Variants in ETFA observed in about 807,000 individuals in gnomAD.
The protein encoded by ETFA is electron transfer flavoprotein subunit alpha, mitochondrial.
A neutral mutation model predicts 46.2 loss-of-function variants in ETFA; 22 were observed. The ratio of observed to expected loss-of-function variants is 0.48; its 90% confidence interval spans 0.34 to 0.68. ETFA has a LOEUF of 0.68. Among genes scored for constraint, ETFA ranks in the 30% least tolerant of loss-of-function variants. The pLI is 0.01. For missense variants in ETFA, 345 were observed against 401.1 expected, an observed-to-expected ratio of 0.86 and a Z score of 1.19; for synonymous variants, 131 against 139.9, an observed-to-expected ratio of 0.94 and a Z score of 0.45.
chr15:76,304,055 T>C (rs556560729), intron 1 of ETFA, among the ~76,000 whole-genome samples: 1 of 152,222 alleles, frequency 6.6e-6, no homozygotes, highest in Non-Finnish European at 1.5e-5. Context: ...ATGCAAGGGA[T>C]GGACTGGGTA....
chr15:76,268,046 C>T (rs952574706), intron 9 of ETFA, among the ~76,000 whole-genome samples: 3 of 152,104 alleles, frequency 2.0e-5, no homozygotes, highest in African/African-American at 2.4e-5. Flanking sequence ...GGATAAGCCT[C>T]GATTTGGTTT....
intron 1 of ETFA, among the ~76,000 whole-genome samples, chr15:76,302,922 C>T (rs1464930562): frequency 6.6e-6 from 1 of 152,164 alleles, no homozygotes; most frequent in East Asian, 1.9e-4. Context: ...CCCAAGGGAT[C>T]CTCCTGCCTC....
intron 9 of ETFA, among the ~76,000 whole-genome samples, chr15:76,250,428 C>A (rs554938223): frequency 1.3e-5 from 2 of 151,916 alleles, no homozygotes; most frequent in Non-Finnish European, 2.9e-5. Context: ...CTAAATCATT[C>A]ATCATATTCA....
intron 1 of ETFA, among the ~76,000 whole-genome samples, chr15:76,304,149 A>G (rs4886487): frequency 0.28 from 43,172 of 152,136 alleles, 6,580 homozygotes; most frequent in East Asian, 0.57. Context: ...CAACATGGAC[A>G]GTGCTGGAGG....
chr15:76,244,573 A>G (rs1446722895), intron 9 of ETFA, among the ~76,000 whole-genome samples: 2 of 151,956 alleles, frequency 1.3e-5, no homozygotes, highest in African/African-American at 4.8e-5. Context: ...TTGAATCAAC[A>G]TTTTCTAGTA....
chr15:76,299,727 T>G (rs1029050005), intron 1 of ETFA, among the ~76,000 whole-genome samples: 1 of 152,216 alleles, frequency 6.6e-6, no homozygotes, highest in Non-Finnish European at 1.5e-5. Flanking sequence ...GTCCCTGCCC[T>G]ATTACAATTC....
chr15:76,289,622 G>T (rs1170503596), intron 4 of ETFA, among the ~76,000 whole-genome samples: 1 of 152,142 alleles, frequency 6.6e-6, no homozygotes, highest in African/African-American at 2.4e-5. Flanking sequence ...TGCCTGCATG[G>T]TTTCTGGGAA....
At position 76,249,346 on chromosome 15, in the gene ETFA, T is replaced by C. The variant is rs12907217; in HGVS notation, c.817-17948A>G. On this transcript the variant is annotated intron_variant, in intron 9 of 11. Transcript: ENST00000557943. ...TTTCTCCGTGTTGGTCAGGCTGCTC[T>C]TGAACTCCCAACCTCAGGTGATCCT... is the stretch of plus-strand genomic sequence containing the variant. Among the ~76,000 whole-genome samples, 4 of 151,974 alleles carry C rather than the reference T, an allele frequency of 2.6e-5. No individual in the cohort carries two copies. The East Asian group carries it at 7.7e-4, about 29-fold the overall frequency.
At chr15:76,262,981 C>T (rs760849320) in intron 9 of ETFA, among the ~76,000 whole-genome samples, 3 of 152,144 alleles carry the variant, frequency 2.0e-5, no homozygotes, top group Admixed American at 2.0e-4. Context: ...AGGACGGCCC[C>T]GGTAGGCACC....
intron 9 of ETFA, among the ~76,000 whole-genome samples, chr15:76,250,166 TG>T (rs776866639): frequency 3.3e-5 from 5 of 151,266 alleles, no homozygotes; most frequent in Non-Finnish European, 5.9e-5. Context: ...GAAATACAAA[TG>T]AAAAAAATGC....
intron 11 of ETFA, chr15:76,217,649 C>T (rs1165230701): frequency 2.2e-6 from 1 of 454,942 alleles, no homozygotes. Flanking sequence ...TTTGTGACTG[C>T]TTGGACAGAG....
intron 1 of ETFA, among the ~76,000 whole-genome samples, 196 bp from the exon 2 acceptor site, chr15:76,295,933 A>ATTTTTTTTTTTTTTTTTT (rs1555459250): frequency 6.8e-5 from 4 of 58,506 alleles, no homozygotes; most frequent in African/African-American, 1.0e-4. Context: ...TACCACTAAT[A>ATTTTTTTTTTTTTTTTTT]TTCTTTTTTT....
intron 8 of ETFA, among the ~76,000 whole-genome samples, chr15:76,276,823 C>T (rs1001010398): frequency 6.6e-6 from 1 of 152,136 alleles, no homozygotes; most frequent in African/African-American, 2.4e-5. Flanking sequence ...GGATTTCTAG[C>T]CCTCTGCTTA....
At chr15:76,253,055 A>G (rs1286007229) in intron 9 of ETFA, among the ~76,000 whole-genome samples, 1 of 152,180 alleles carries the variant, frequency 6.6e-6, no homozygotes, top group East Asian at 1.9e-4. Flanking sequence ...CCGGGACTAC[A>G]GACGTACACC....
intron 1 of ETFA, among the ~76,000 whole-genome samples, chr15:76,297,220 T>C (rs981451229): frequency 1.3e-5 from 2 of 152,126 alleles, no homozygotes; most frequent in African/African-American, 4.8e-5. Flanking sequence ...AGAAAGCAAA[T>C]ACCATACCTG....
intron 8 of ETFA, among the ~76,000 whole-genome samples, chr15:76,277,170 G>A (rs2039601622): frequency 2.0e-5 from 3 of 152,122 alleles, no homozygotes; most frequent in Admixed American, 2.0e-4. Context: ...CTTTACACAT[G>A]CTTCTCAGTT....
intron 9 of ETFA, among the ~76,000 whole-genome samples, chr15:76,267,581 C>A (rs1450699082): frequency 6.6e-6 from 1 of 151,966 alleles, no homozygotes; most frequent in Non-Finnish European, 1.5e-5. Flanking sequence ...AATGGAAAAG[C>A]CTAATTTGCA....
At chr15:76,291,314 G>A (rs1269726243) in intron 4 of ETFA, among the ~76,000 whole-genome samples, 3 of 152,028 alleles carry the variant, frequency 2.0e-5, no homozygotes, top group Non-Finnish European at 2.9e-5. Flanking sequence ...GTGGTGGCAC[G>A]CACCTATAAT....
intron 9 of ETFA, among the ~76,000 whole-genome samples, chr15:76,256,262 GAAAAA>G (rs59670988): frequency 3.1e-5 from 3 of 95,666 alleles, no homozygotes; most frequent in East Asian, 3.3e-4. Context: ...CCGTCTCAAG[GAAAAA>G]AAAAAAAAAA....
Sources: gnomAD v4.1 joint callset for allele counts (sites outside exome capture counted in the v4.1 genomes callset) on GRCh38, gnomAD v4.1.1 for gene constraint, MANE v1.5 for transcripts, NCBI Gene and HGNC (gene_info 2026-07-23, HGNC 2026-07-21) for gene names.